KATNAL2: variants seen among roughly 807,000 people sequenced by gnomAD.
KATNAL2 encodes katanin catalytic subunit A1 like 2, also known as katanin p60 ATPase-containing subunit A-like 2.
Under a neutral mutation model 76.3 loss-of-function variants are expected in KATNAL2, and 52 were observed. The ratio of observed to expected loss-of-function variants is 0.68; its 90% CI spans 0.55 to 0.86. The LOEUF (loss-of-function observed/expected upper bound fraction) is 0.86, where lower values mean the gene tolerates loss of function less well. KATNAL2 is among the 40% of genes least tolerant of loss of function. The pLI is 0.00. For synonymous variants in KATNAL2, 243 were observed against 244.2 expected, an observed-to-expected ratio of 1.00 and a Z score of 0.05; for missense variants, 660 against 668.9, an observed-to-expected ratio of 0.99 and a Z score of 0.15.
At chr18:47,033,864 C>T in intron 3 of KATNAL2, 3 of 1,614,018 alleles carry the variant, frequency 1.9e-6, no homozygotes, top group Non-Finnish European at 2.5e-6. Flanking sequence ...GCATCCAGGC[C>T]TCTGAGAGGT....
chr18:46,931,103 AAATAATAATAAT>A (rs36168863), intron 1 of KATNAL2, among the ~76,000 whole-genome samples: 21 of 105,546 alleles, frequency 2.0e-4, no homozygotes, highest in East Asian at 2.0e-3. Flanking sequence ...CCGTCTCAGG[AAATAATAATAAT>A]AATAATAATA....
intron 3 of KATNAL2, among the ~76,000 whole-genome samples, chr18:46,962,193 G>T (rs1258975532): frequency 6.9e-6 from 1 of 144,284 alleles, no homozygotes; most frequent in Non-Finnish European, 1.5e-5. Context: ...TGGAGACGGG[G>T]TTTCTCCGTT....
At chr18:46,937,921 T>A (rs147826047) in intron 1 of KATNAL2, among the ~76,000 whole-genome samples, 1 of 152,118 alleles carries the variant, frequency 6.6e-6, no homozygotes, top group African/African-American at 2.4e-5. Context: ...TGGGGCAACA[T>A]AGGGAGATCT....
intron 1 of KATNAL2, among the ~76,000 whole-genome samples, chr18:46,935,535 C>T (rs533970206): frequency 2.0e-5 from 3 of 152,206 alleles, no homozygotes; most frequent in East Asian, 1.9e-4. Flanking sequence ...GCAAGACTTC[C>T]ACCTCAGCCT....
intron 10 of KATNAL2, among the ~76,000 whole-genome samples, chr18:47,066,554 A>G (rs1160178530): frequency 6.6e-6 from 1 of 152,126 alleles, no homozygotes; most frequent in Admixed American, 6.5e-5. Flanking sequence ...AAATTAAGAA[A>G]GTGTTTGTGA....
At chr18:46,956,558 C>G (rs2059753682) in intron 3 of KATNAL2, among the ~76,000 whole-genome samples, 1 of 152,198 alleles carries the variant, frequency 6.6e-6, no homozygotes. Flanking sequence ...GATATCACCA[C>G]ACCATTCTTA....
chr18:46,932,409 T>G (rs1037733365), intron 1 of KATNAL2, among the ~76,000 whole-genome samples: 1 of 151,944 alleles, frequency 6.6e-6, no homozygotes, highest in Non-Finnish European at 1.5e-5. Flanking sequence ...GCACGGTGGC[T>G]CACACCTGTA....
chr18:46,921,369 AC>A (rs1044210606), intron 1 of KATNAL2, among the ~76,000 whole-genome samples: 5 of 152,222 alleles, frequency 3.3e-5, no homozygotes, highest in Admixed American at 6.5e-5. Context: ...CTCGTGATCC[AC>A]CTGCCTTGGC....
intron 5 of KATNAL2, 38 bp downstream of exon 5, chr18:47,053,084 T>C (rs1212315999): frequency 1.4e-6 from 2 of 1,479,880 alleles, no homozygotes; most frequent in East Asian, 4.6e-5. Context: ...CTTTGTCTCA[T>C]CTGTAAGATT....
intron 8 of KATNAL2, among the ~76,000 whole-genome samples, chr18:47,062,558 C>T (rs914946071): frequency 2.6e-5 from 4 of 151,908 alleles, no homozygotes; most frequent in African/African-American, 9.7e-5. Context: ...TTATTTTGTA[C>T]CCAGCACTCT....
chr18:47,053,101 T>C, intron 5 of KATNAL2, 55 bp downstream of exon 5: 6 of 1,389,666 alleles, frequency 4.3e-6, no homozygotes, highest in Non-Finnish European at 4.9e-6. Context: ...GATTAGTGTT[T>C]CTTTCTCATC....
At position 47,052,262 on chromosome 18, in the gene KATNAL2, A is replaced by G. The variant is rs117468158; in HGVS notation, c.123-618A>G. Among the ~76,000 whole-genome samples, 23 of 152,344 alleles carry G rather than the reference A, an allele frequency of 1.5e-4. No individual in the cohort carries two copies. The East Asian group carries it at 3.9e-3, about 26-fold the overall frequency. On this transcript the variant is annotated intron_variant, in intron 4 of 17. Transcript: ENST00000683218. ...AGTAAGGAACAAAGATCAAGGTACT[A>G]CTTTTATACAGAAACACTCTGAAGT... is the stretch of plus-strand genomic sequence containing the variant.
In KATNAL2 at chr18:47,033,219, G is replaced by C. The variant is rs145674705; in HGVS notation, c.52-13238G>C. 10 of 1,613,830 alleles carry C rather than the reference G, an allele frequency of 6.2e-6. No individual in the cohort carries two copies. Among genetic ancestry groups the C allele is most frequent in the African/African-American group, 1.3e-5 (1 of 74,928 alleles). On this transcript the variant is annotated intron_variant, in intron 3 of 17. Coordinates refer to ENST00000683218, the MANE Select transcript of KATNAL2 (RefSeq NM_001387690.1). Reference sequence around the variant, plus strand: ...TGCTGCTCTGGCTGGAGGGAGTGTGGCTGCTTCCCGCGGGCTTGGAGGCTG... The same window carrying C: ...TGCTGCTCTGGCTGGAGGGAGTGTGCCTGCTTCCCGCGGGCTTGGAGGCTG...
intron 3 of KATNAL2, among the ~76,000 whole-genome samples, chr18:46,953,752 G>A (rs1176708427): frequency 8.5e-5 from 10 of 117,852 alleles, no homozygotes; most frequent in Admixed American, 3.2e-4. Flanking sequence ...TGGAGACCCC[G>A]TCTCAAAAAA....
At chr18:47,082,477 ATGTT>A (rs2062574048) in intron 15 of KATNAL2, among the ~76,000 whole-genome samples, 1 of 152,208 alleles carries the variant, frequency 6.6e-6, no homozygotes, top group Non-Finnish European at 1.5e-5. Context: ...TAAACTCACA[ATGTT>A]TATTAAAAAA....
rs1488129431 is a variant in KATNAL2, at chr18:47,022,384, GC to G, written c.52-24071del. On this transcript the variant is annotated intron_variant, in intron 3 of 17. Coordinates refer to ENST00000683218, the MANE Select transcript of KATNAL2 (RefSeq NM_001387690.1). ...CTGTTTTCGGGTTTTGTCCGCGGGC[GC>G]CGCGTGCCGGTTGCTGCTGCCGCCG... 11 of 132,152 alleles carry G rather than the reference GC, an allele frequency of 8.3e-5. No individual in the cohort carries two copies. The African/African-American group carries it at 1.7e-3, about 20-fold the overall frequency. 8.2% of individuals were successfully genotyped at this position (132,152 alleles called of 1,614,324 possible).
rs780160438 is a variant in KATNAL2, at chr18:47,034,762, T to C, written c.52-11695T>C. 12 of 1,612,574 alleles carry C rather than the reference T, an allele frequency of 7.4e-6. No homozygotes were observed. In the East Asian group the frequency reaches 2.7e-4, roughly 36 times the overall value. ...AGCTGTGCGCGTTGGAGAGGCCCGA[T>C]AGCGGCCGGAATCAGCTGGGGCTAT... On this transcript the variant is annotated intron_variant, in intron 3 of 17. Transcript: ENST00000683218.
intron 3 of KATNAL2, among the ~76,000 whole-genome samples, chr18:46,954,251 C>A (rs1222542068): frequency 2.0e-5 from 3 of 151,572 alleles, no homozygotes; most frequent in East Asian, 1.9e-4. Context: ...TCCAGAGGAA[C>A]CTGGTGTCCC....
chr18:46,924,500 C>G (rs1197654436), intron 1 of KATNAL2, among the ~76,000 whole-genome samples: 1 of 152,186 alleles, frequency 6.6e-6, no homozygotes, highest in Admixed American at 6.5e-5. Context: ...AGTTTGAAGT[C>G]AGGTAATGTG....
Sources: allele counts gnomAD v4.1 joint callset (sites outside exome capture counted in the v4.1 genomes callset), GRCh38; gene constraint gnomAD v4.1.1; transcripts MANE v1.5; gene names NCBI Gene and HGNC (gene_info 2026-07-23, HGNC 2026-07-21).